Variants in GRIP1 observed in about 807,000 individuals in gnomAD.
The protein encoded by GRIP1 is glutamate receptor-interacting protein 1.
Under a neutral mutation model 129.9 loss-of-function variants are expected in GRIP1, and 45 were observed. The observed-to-expected ratio is 0.35, with a 90% CI of 0.27 to 0.44. GRIP1 has a LOEUF of 0.44. Ranked by LOEUF, GRIP1 falls within the 20% of genes least tolerant of loss-of-function variation. The pLI, the probability that GRIP1 is intolerant of heterozygous loss-of-function variation, is 1.00. For synonymous variants in GRIP1, 530 were observed against 520.8 expected, an observed-to-expected ratio of 1.02 and a Z score of -0.24; for missense variants, 1,196 against 1,396.8, an observed-to-expected ratio of 0.86 and a Z score of 2.29.
At chr12:66,776,944 C>T (rs1173316114) in intron 1 of GRIP1, among the ~76,000 whole-genome samples, 2 of 152,182 alleles carry the variant, frequency 1.3e-5, no homozygotes, top group Non-Finnish European at 2.9e-5. Flanking sequence ...TTATCCTGCA[C>T]ATAAGATCAC....
chr12:66,493,204 G>A (rs12582879), intron 7 of GRIP1, among the ~76,000 whole-genome samples: 65,621 of 151,992 alleles, frequency 0.43, 14,723 homozygotes, highest in Middle Eastern at 0.61. Context: ...CTGATGTTTG[G>A]TAAGAGTTGG....
intron 2 of GRIP1, among the ~76,000 whole-genome samples, chr12:66,594,633 CT>C (rs1439857086): frequency 4.6e-5 from 7 of 152,094 alleles, no homozygotes; most frequent in South Asian, 2.1e-4. Flanking sequence ...TATGGTCCAG[CT>C]TAGTCCAGGA....
At chr12:66,777,259 A>G (rs1383108) in intron 1 of GRIP1, among the ~76,000 whole-genome samples, 114,854 of 151,890 alleles carry the variant, frequency 0.76, 45,227 homozygotes, top group Middle Eastern at 0.89. Flanking sequence ...CACTCCAGCC[A>G]CACTGGCCTT....
At chr12:66,564,441 A>G (rs575546898) in intron 2 of GRIP1, among the ~76,000 whole-genome samples, 1 of 152,054 alleles carries the variant, frequency 6.6e-6, no homozygotes, top group Non-Finnish European at 1.5e-5. Context: ...CCATGTCCCT[A>G]CAAAAGACAT....
chr12:66,855,458 G>A (rs2062858), intron 1 of GRIP1, among the ~76,000 whole-genome samples: 11,456 of 151,982 alleles, frequency 0.075, 513 homozygotes, highest in East Asian at 0.19. Flanking sequence ...CACGGAGTGT[G>A]TGAATCTCAG....
intron 9 of GRIP1, 121 bp downstream of exon 9, chr12:66,462,801 CAA>C (rs34456744): frequency 0.081 from 27,188 of 336,800 alleles, no homozygotes; most frequent in East Asian, 0.11. Flanking sequence ...GACTCCATCT[CAA>C]AAAAAAAAAA....
chr12:66,428,648 C>G (rs964484598), intron 14 of GRIP1, among the ~76,000 whole-genome samples: 12 of 152,096 alleles, frequency 7.9e-5, no homozygotes, highest in Admixed American at 3.3e-4. Flanking sequence ...TTTATTAGCC[C>G]CTGGTCTTTG....
At chr12:66,691,976 A>T (rs903055171) in intron 1 of GRIP1, among the ~76,000 whole-genome samples, 2 of 152,230 alleles carry the variant, frequency 1.3e-5, no homozygotes, top group African/African-American at 4.8e-5. Context: ...TTTTTAAAAA[A>T]TAAAAGGTAT....
chr12:66,852,304 C>T (rs1469739399), intron 1 of GRIP1, among the ~76,000 whole-genome samples: 1 of 151,644 alleles, frequency 6.6e-6, no homozygotes, highest in East Asian at 1.9e-4. Flanking sequence ...GGAAAGAGGC[C>T]AAGATTTACT....
At chr12:66,864,559 T>A (rs11176463) in intron 1 of GRIP1, among the ~76,000 whole-genome samples, 10 of 148,896 alleles carry the variant, frequency 6.7e-5, no homozygotes, top group South Asian at 4.3e-4. Context: ...CTATTAAAAA[T>A]AAAAAAAAAA....
At chr12:66,735,392 G>A (rs764163947) in intron 1 of GRIP1, among the ~76,000 whole-genome samples, 2 of 152,098 alleles carry the variant, frequency 1.3e-5, no homozygotes, top group Non-Finnish European at 2.9e-5. Context: ...AAAGTTATAG[G>A]AACAAAGTCA....
intron 1 of GRIP1, among the ~76,000 whole-genome samples, chr12:67,000,899 T>C (rs186405067): frequency 1.2e-4 from 18 of 152,314 alleles, no homozygotes; most frequent in African/African-American, 4.1e-4. Flanking sequence ...AGGATAAGGA[T>C]GCCCCACGCA....
At chr12:66,695,823 T>C (rs74098238) in intron 1 of GRIP1, among the ~76,000 whole-genome samples, 2,057 of 152,280 alleles carry the variant, frequency 0.014, 51 homozygotes, top group African/African-American at 0.048. Flanking sequence ...ATTGATACTA[T>C]CAGTAGGATG....
intron 1 of GRIP1, among the ~76,000 whole-genome samples, chr12:66,882,851 G>A (rs542711697): frequency 6.6e-6 from 1 of 152,134 alleles, no homozygotes; most frequent in South Asian, 2.1e-4. Flanking sequence ...CGCAGACAAG[G>A]CAGACAAGGC....
intron 1 of GRIP1, among the ~76,000 whole-genome samples, chr12:66,734,955 T>G (rs1199031562): frequency 1.3e-5 from 2 of 152,198 alleles, no homozygotes; most frequent in African/African-American, 4.8e-5. Flanking sequence ...TAACTCAAAT[T>G]TATTGAGCAT....
chr12:67,043,978 T>C (rs967175412), intron 1 of GRIP1, among the ~76,000 whole-genome samples: 3 of 152,108 alleles, frequency 2.0e-5, no homozygotes, highest in Non-Finnish European at 2.9e-5. Context: ...TGAACTGAAA[T>C]ATCTAGGGCC....
rs74664665 is a variant in GRIP1, at chr12:66,449,266, T to A, written c.1355-3758A>T. 7.3e-4 allele frequency among the ~76,000 whole-genome samples: 111 copies of A among 152,354 alleles called. No individual in the cohort carries two copies. The East Asian group carries it at 8.5e-3, about 12-fold the overall frequency. On this transcript the variant is annotated intron_variant, in intron 11 of 24. Transcript: ENST00000359742. ...CCTGGAAGATTCAACAAATGCTGAATAAATGAGGAATGAATCAAATTTTGG... is the reference window on the plus strand; with the variant it reads ...CCTGGAAGATTCAACAAATGCTGAAAAAATGAGGAATGAATCAAATTTTGG...
chr12:66,737,429 G>A (rs994559010), intron 1 of GRIP1, among the ~76,000 whole-genome samples: 12 of 152,044 alleles, frequency 7.9e-5, no homozygotes, highest in South Asian at 2.1e-4. Context: ...AATTACAGGC[G>A]TGTGCCACCA....
At position 66,723,229 on chromosome 12, in the gene GRIP1, TC is replaced by T. The variant is rs58047196; in HGVS notation, c.-420+80823del. ...TTCTTTCTTTCTTTCTTTCTTTCTC[TC>T]TCTCTCTCTCTTCCTTCCTTCCTTC... On this transcript the variant is annotated intron_variant, in intron 1 of 4. Coordinates refer to the GRIP1 transcript ENST00000538373. Among the ~76,000 whole-genome samples the T allele has an allele frequency of 1.3e-3, 33 of 25,892 alleles. 7 individuals carry two copies. Among genetic ancestry groups the T allele is most frequent in the African/African-American group, 2.6e-3 (18 of 6,866 alleles). 17.0% of individuals were successfully genotyped at this position (25,892 alleles called of 152,430 possible). A position where few individuals can be genotyped will look rare whatever the true frequency, so the allele number is the denominator to read the frequency against.
Sources: allele counts gnomAD v4.1 joint callset (sites outside exome capture counted in the v4.1 genomes callset), GRCh38; gene constraint gnomAD v4.1.1; transcripts MANE v1.5; gene names NCBI Gene and HGNC (gene_info 2026-07-23, HGNC 2026-07-21).